The following SLC4A1AP variants were observed in gnomAD, a reference collection of about 807,000 sequenced individuals.
SLC4A1AP encodes kanadaptin.
In SLC4A1AP, 64 loss-of-function variants were observed where a neutral mutation model predicts 89.7. That is an observed-to-expected ratio of 0.71 (90% CI 0.58 to 0.88). SLC4A1AP has a LOEUF of 0.88. Ranked by LOEUF, SLC4A1AP falls within the 40% of genes least tolerant of loss-of-function variation. The pLI, the probability that SLC4A1AP is intolerant of heterozygous loss-of-function variation, is 0.00. For synonymous variants in SLC4A1AP, 366 were observed against 353.3 expected, an observed-to-expected ratio of 1.04 and a Z score of -0.40; for missense variants, 931 against 965.0, an observed-to-expected ratio of 0.96 and a Z score of 0.47.
intron 12 of SLC4A1AP, 46 bp downstream of exon 12, chr2:27,688,813 T>C: frequency 7.1e-7 from 1 of 1,398,638 alleles, no homozygotes. Flanking sequence ...CCCTTTGTCA[T>C]GGACCACATC....
exon 1 of SLC4A1AP, chr2:27,664,177 T>C: frequency 6.2e-7 from 1 of 1,614,044 alleles, no homozygotes; most frequent in Non-Finnish European, 8.5e-7. Context: ...CCGACAGCGG[T>C]TTCTTCCCCT....
intron 1 of SLC4A1AP, among the ~76,000 whole-genome samples, 161 bp downstream of exon 1, chr2:27,664,738 A>G (rs575926055): frequency 6.6e-6 from 1 of 152,276 alleles, no homozygotes; most frequent in East Asian, 1.9e-4. Flanking sequence ...ACATTGCTAT[A>G]TTTCTGAAAG....
At chr2:27,691,280 T>C (rs1462168194) in intron 12 of SLC4A1AP, among the ~76,000 whole-genome samples, 2 of 152,122 alleles carry the variant, frequency 1.3e-5, no homozygotes, top group African/African-American at 2.4e-5. Context: ...AGGAGGGTTG[T>C]GTGTTTCCAG....
rs1421850730 is a variant in SLC4A1AP, at chr2:27,669,177, A to T, written c.1206-71A>T. The T allele has an allele frequency of 3.4e-6, 5 of 1,466,922 alleles. No individual in the cohort carries two copies. In the East Asian group the frequency reaches 1.1e-4, roughly 33 times the overall value. The allele number at this position is 1,466,922 out of a possible 1,614,324, so 90.9% of individuals were successfully genotyped here. A position where few individuals can be genotyped will look rare whatever the true frequency, so the allele number is the denominator to read the frequency against. ...ATCTAAAAAAAAAATGACTATTATC[A>T]TAGCATAGTAGTTGTTTTCTTGAGA... On this transcript the variant is annotated intron_variant, in intron 4 of 13. Transcript: ENST00000613058.
chr2:27,672,713 G>A (rs1410352401), intron 5 of SLC4A1AP, among the ~76,000 whole-genome samples: 1 of 152,184 alleles, frequency 6.6e-6, no homozygotes, highest in Non-Finnish European at 1.5e-5. Flanking sequence ...TTTCTGCATG[G>A]AATATATAGG....
intron 1 of SLC4A1AP, among the ~76,000 whole-genome samples, 195 bp from the exon 2 acceptor site, chr2:27,664,903 TAA>T (rs60597294): frequency 2.8e-4 from 39 of 138,884 alleles, no homozygotes; most frequent in Admixed American, 3.6e-4. Flanking sequence ...CCCTGTCTCT[TAA>T]AAAAAAAAAA....
intron 5 of SLC4A1AP, among the ~76,000 whole-genome samples, chr2:27,671,369 T>C (rs1675425802): frequency 6.6e-6 from 1 of 152,238 alleles, no homozygotes; most frequent in Non-Finnish European, 1.5e-5. Context: ...AGCAGTTTTA[T>C]TTCTTTTTGT....
exon 6 of SLC4A1AP, chr2:27,675,575 T>C (rs777690550): frequency 1.9e-6 from 3 of 1,607,436 alleles, no homozygotes; most frequent in South Asian, 2.2e-5. Flanking sequence ...ATGAAGACTT[T>C]TATGATAGTG....
intron 5 of SLC4A1AP, among the ~76,000 whole-genome samples, chr2:27,674,107 T>A (rs1307859764): frequency 6.6e-6 from 1 of 152,116 alleles, no homozygotes; most frequent in African/African-American, 2.4e-5. Context: ...AAAAGCTGAT[T>A]GCTTACAGCC....
intron 8 of SLC4A1AP, among the ~76,000 whole-genome samples, chr2:27,679,341 G>A (rs988339037): frequency 1.6e-4 from 24 of 152,166 alleles, no homozygotes; most frequent in African/African-American, 5.6e-4. Flanking sequence ...TGCGGCTTAC[G>A]CCTGTAATCC....
At chr2:27,693,439 T>A (rs1159710904) in intron 12 of SLC4A1AP, 1 of 455,710 alleles carries the variant, frequency 2.2e-6, no homozygotes, top group Non-Finnish European at 3.9e-6. Flanking sequence ...GTTTTAAGAT[T>A]TAGAACTCCT....
chr2:27,677,321 G>A (rs1416471585), exon 7 of SLC4A1AP: 3 of 1,613,302 alleles, frequency 1.9e-6, no homozygotes, highest in Non-Finnish European at 2.5e-6. Context: ...ATGCTGAAAG[G>A]GAACTTTCTG....
chr2:27,678,396 G>A (rs1223192987), intron 8 of SLC4A1AP, among the ~76,000 whole-genome samples: 8 of 152,084 alleles, frequency 5.3e-5, no homozygotes, highest in Admixed American at 4.6e-4. Context: ...AGCCAGCCAT[G>A]TTGGAGCACA....
At chr2:27,673,323 TC>T (rs1192655930) in intron 5 of SLC4A1AP, among the ~76,000 whole-genome samples, 1 of 2,430 alleles carries the variant, frequency 4.1e-4, no homozygotes, top group Non-Finnish European at 0.028. Flanking sequence ...TCTCTCTCTC[TC>T]TTTCTTTTCT....
chr2:27,688,461 G>A (rs1215479246), intron 11 of SLC4A1AP, among the ~76,000 whole-genome samples: 1 of 151,968 alleles, frequency 6.6e-6, no homozygotes, highest in Non-Finnish European at 1.5e-5. Flanking sequence ...AAACTTGTTC[G>A]CATAATGTGG....
At chr2:27,688,119 A>C (rs1161873598) in intron 11 of SLC4A1AP, 99 bp downstream of exon 11, 1 of 919,986 alleles carries the variant, frequency 1.1e-6, no homozygotes, top group Admixed American at 2.2e-5. Context: ...AGCACAGAGA[A>C]TGGTCCTTTA....
chr2:27,689,899 A>G (rs544416892), intron 12 of SLC4A1AP, among the ~76,000 whole-genome samples: 1 of 152,296 alleles, frequency 6.6e-6, no homozygotes, highest in South Asian at 2.1e-4. Context: ...TAAATGCCAA[A>G]TTTCCCTCTA....
At chr2:27,668,665 GT>G in intron 3 of SLC4A1AP, 177 bp from the exon 4 acceptor site, 1 of 704,082 alleles carries the variant, frequency 1.4e-6, no homozygotes, top group Non-Finnish European at 2.6e-6. Context: ...GCACAGACTG[GT>G]TTCGCGCTCC....
intron 12 of SLC4A1AP, chr2:27,692,349 T>C (rs1358995401): frequency 6.6e-6 from 1 of 152,234 alleles, no homozygotes; most frequent in African/African-American, 2.4e-5. Flanking sequence ...TATTCGACTG[T>C]GGTCTGAGAA....
Sources: allele counts gnomAD v4.1 joint callset (sites outside exome capture counted in the v4.1 genomes callset), GRCh38; gene constraint gnomAD v4.1.1; transcripts MANE v1.5; gene names NCBI Gene and HGNC (gene_info 2026-07-23, HGNC 2026-07-21).